Variants in TTLL5 observed in about 807,000 individuals in gnomAD.
TTLL5 encodes the protein tubulin polyglutamylase TTLL5.
Under a neutral mutation model 168.4 loss-of-function variants are expected in TTLL5, and 132 were observed. That is an observed-to-expected ratio of 0.78 (90% CI 0.68 to 0.91). TTLL5 has a LOEUF of 0.91. TTLL5 is among the 40% of genes least tolerant of loss of function. The pLI is 0.00. For missense variants in TTLL5, 1,545 were observed against 1,581.5 expected, an observed-to-expected ratio of 0.98 and a Z score of 0.39; for synonymous variants, 546 against 558.6, an observed-to-expected ratio of 0.98 and a Z score of 0.32.
At chr14:75,694,949 G>T (rs1012595960) in intron 6 of TTLL5, among the ~76,000 whole-genome samples, 1 of 152,110 alleles carries the variant, frequency 6.6e-6, no homozygotes, top group Non-Finnish European at 1.5e-5. Flanking sequence ...TGCACAAATT[G>T]TTCGTAAAGC....
chr14:75,887,968 G>A (rs144392441), intron 30 of TTLL5, among the ~76,000 whole-genome samples: 1 of 152,170 alleles, frequency 6.6e-6, no homozygotes, highest in Non-Finnish European at 1.5e-5. Context: ...AACATGGAGG[G>A]CTTTTGTATA....
intron 31 of TTLL5, among the ~76,000 whole-genome samples, chr14:75,949,875 T>C (rs773772615): frequency 1.3e-5 from 2 of 151,914 alleles, no homozygotes; most frequent in African/African-American, 2.4e-5. Context: ...AAAAAAAAGT[T>C]ACAGTTTTGT....
chr14:75,662,566 C>T (rs1890814459), intron 1 of TTLL5, among the ~76,000 whole-genome samples: 1 of 151,570 alleles, frequency 6.6e-6, no homozygotes, highest in Non-Finnish European at 1.5e-5. Context: ...CTCGAACTCC[C>T]GACCTCAGGT....
At chr14:75,943,055 G>A (rs575189189) in intron 31 of TTLL5, among the ~76,000 whole-genome samples, 1 of 152,276 alleles carries the variant, frequency 6.6e-6, no homozygotes, top group African/African-American at 2.4e-5. Context: ...AGATGGGTTA[G>A]CTACAGTGGC....
At chr14:75,694,927 A>G (rs1190855305) in intron 6 of TTLL5, among the ~76,000 whole-genome samples, 1 of 152,188 alleles carries the variant, frequency 6.6e-6, no homozygotes, top group Non-Finnish European at 1.5e-5. Flanking sequence ...ACCCTGTGAT[A>G]ATTGCGTTAA....
intron 20 of TTLL5, among the ~76,000 whole-genome samples, chr14:75,771,178 G>A (rs1262626927): frequency 6.6e-6 from 1 of 152,196 alleles, no homozygotes; most frequent in Non-Finnish European, 1.5e-5. Context: ...TGTAATCCCA[G>A]CACTTTGGGA....
At chr14:75,743,738 C>T (rs1188536965) in intron 15 of TTLL5, among the ~76,000 whole-genome samples, 2 of 151,876 alleles carry the variant, frequency 1.3e-5, no homozygotes, top group South Asian at 2.1e-4. Context: ...CCCGCCACCA[C>T]GCCCAGCTAA....
chr14:75,748,231 A>G (rs576251362), intron 17 of TTLL5, among the ~76,000 whole-genome samples: 5 of 151,134 alleles, frequency 3.3e-5, no homozygotes, highest in Non-Finnish European at 7.4e-5. Context: ...CCTCTCATGT[A>G]TAGAAGCAGA....
chr14:75,720,054 C>T (rs926455352), intron 11 of TTLL5, among the ~76,000 whole-genome samples: 3 of 152,104 alleles, frequency 2.0e-5, no homozygotes, highest in African/African-American at 7.2e-5. Flanking sequence ...TCCTTTTAAT[C>T]CTTAGTGAAT....
chr14:75,771,103 T>C (rs980969672), intron 20 of TTLL5, among the ~76,000 whole-genome samples: 7 of 152,180 alleles, frequency 4.6e-5, no homozygotes, highest in Non-Finnish European at 8.8e-5. Context: ...ACTTCTCCTG[T>C]CTGTTCCCCC....
chr14:75,813,270 TTGTGTG>T (rs58821426), intron 27 of TTLL5, among the ~76,000 whole-genome samples: 2,100 of 130,672 alleles, frequency 0.016, 66 homozygotes, highest in African/African-American at 0.054. Flanking sequence ...GTGTGTGTGT[TTGTGTG>T]TGTGTGTGTG....
At chr14:75,753,646 A>G (rs1336232633) in intron 18 of TTLL5, among the ~76,000 whole-genome samples, 1 of 152,224 alleles carries the variant, frequency 6.6e-6, no homozygotes, top group Non-Finnish European at 1.5e-5. Context: ...CAATTTCATG[A>G]TCTACTATCA....
intron 29 of TTLL5, among the ~76,000 whole-genome samples, chr14:75,878,958 C>G (rs1275445577): frequency 6.7e-6 from 1 of 148,878 alleles, no homozygotes; most frequent in Non-Finnish European, 1.5e-5. Flanking sequence ...TACACATTTG[C>G]CTATTTTGTT....
intron 26 of TTLL5, among the ~76,000 whole-genome samples, chr14:75,784,502 G>A (rs1472521322): frequency 6.6e-6 from 1 of 152,180 alleles, no homozygotes; most frequent in Non-Finnish European, 1.5e-5. Context: ...AGGGGCATTT[G>A]ATTTGTTTAT....
chr14:75,757,313 T>C (rs185112892), intron 18 of TTLL5, among the ~76,000 whole-genome samples: 2 of 152,194 alleles, frequency 1.3e-5, no homozygotes, highest in Admixed American at 1.3e-4. Context: ...GTGGAAAATA[T>C]ATTTCTGATG....
chr14:75,694,756 C>A (rs146210117), intron 6 of TTLL5, among the ~76,000 whole-genome samples: 2,386 of 152,282 alleles, frequency 0.016, 81 homozygotes, highest in African/African-American at 0.054. Flanking sequence ...TTTATAATTT[C>A]TTACGCCTAT....
chr14:75,853,269 A>AT (rs1275784115), intron 28 of TTLL5, among the ~76,000 whole-genome samples: 2 of 152,066 alleles, frequency 1.3e-5, no homozygotes, highest in African/African-American at 4.8e-5. Flanking sequence ...GACTAACATG[A>AT]TTTTCATCAC....
chr14:75,922,876 G>A (rs2033878501), intron 31 of TTLL5, among the ~76,000 whole-genome samples: 1 of 152,102 alleles, frequency 6.6e-6, no homozygotes, highest in African/African-American at 2.4e-5. Flanking sequence ...TTTTTGGTTG[G>A]TAGGCTATTA....
chr14:75,730,746 CT>C (rs920977482), intron 12 of TTLL5, among the ~76,000 whole-genome samples: 81 of 146,662 alleles, frequency 5.5e-4, no homozygotes, highest in Middle Eastern at 3.6e-3. Flanking sequence ...TTCTAGGATT[CT>C]TTTTTTTTTT....
Sources: allele counts gnomAD v4.1 joint callset (sites outside exome capture counted in the v4.1 genomes callset), GRCh38; gene constraint gnomAD v4.1.1; transcripts MANE v1.5; gene names NCBI Gene and HGNC (gene_info 2026-07-23, HGNC 2026-07-21).